The following RAB30 variants were observed in gnomAD, a reference collection of about 807,000 sequenced individuals.
RAB30 encodes RAB30, member RAS oncogene family.
A neutral mutation model predicts 25.1 loss-of-function variants in RAB30; 9 were observed. The ratio of observed to expected loss-of-function variants is 0.36; its 90% CI spans 0.22 to 0.63. The LOEUF (loss-of-function observed/expected upper bound fraction) is 0.63. Among genes scored for constraint, RAB30 ranks in the 20% least tolerant of loss-of-function variants. RAB30 has a pLI of 0.69. For missense variants in RAB30, 140 were observed against 243.5 expected, an observed-to-expected ratio of 0.58 and a Z score of 2.83; for synonymous variants, 77 against 86.4, an observed-to-expected ratio of 0.89 and a Z score of 0.60.
intron 4 of RAB30, among the ~76,000 whole-genome samples, chr11:82,984,745 C>T (rs182887745): frequency 6.6e-6 from 1 of 152,260 alleles, no homozygotes; most frequent in Admixed American, 6.5e-5. Context: ...TACGACTTCC[C>T]ATTGAAAAGA....
intron 1 of RAB30, among the ~76,000 whole-genome samples, chr11:83,021,523 T>C: frequency 6.6e-6 from 1 of 152,232 alleles, no homozygotes; most frequent in East Asian, 1.9e-4. Context: ...CACCTTGAGC[T>C]GCCCGCCCGG....
At chr11:82,997,867 C>CT (rs1209985926) in intron 1 of RAB30, among the ~76,000 whole-genome samples, 1 of 152,184 alleles carries the variant, frequency 6.6e-6, no homozygotes, top group African/African-American at 2.4e-5. Flanking sequence ...TCTTTCCCCT[C>CT]TATCTCCTAT....
chr11:83,040,125 AC>A (rs1858074444), intron 1 of RAB30, among the ~76,000 whole-genome samples: 1 of 152,230 alleles, frequency 6.6e-6, no homozygotes, highest in Admixed American at 6.5e-5. Context: ...AGACTCCAGC[AC>A]GTCAAGAGGG....
In RAB30 at chr11:82,992,358, T is replaced by C. The variant is rs569403686; in HGVS notation, c.177+1681A>G. Reference sequence around the variant, plus strand: ...TGCTCCAGCTCCCCATTCACTGCTGTATTTGGTGTGGATGTCTCTGCAGTA... The same window carrying C: ...TGCTCCAGCTCCCCATTCACTGCTGCATTTGGTGTGGATGTCTCTGCAGTA... On this transcript the variant is annotated intron_variant, in intron 3 of 4. Transcript: ENST00000527633. 10 of 456,250 alleles carry C rather than the reference T, an allele frequency of 2.2e-5. 1 individual carries two copies. The highest frequency in any genetic ancestry group is 1.0e-4 in the African/African-American group (5 of 50,174). 28.3% of individuals were successfully genotyped at this position (456,250 alleles called of 1,614,324 possible). A position where few individuals can be genotyped will look rare whatever the true frequency, so the allele number is the denominator to read the frequency against.
intron 1 of RAB30, among the ~76,000 whole-genome samples, chr11:83,061,206 C>T (rs556019667): frequency 6.6e-6 from 1 of 152,290 alleles, no homozygotes. Flanking sequence ...TAACAAATCT[C>T]TTCCCACCTC....
At chr11:82,997,644 A>C (rs1465119722) in intron 1 of RAB30, among the ~76,000 whole-genome samples, 1 of 152,152 alleles carries the variant, frequency 6.6e-6, no homozygotes, top group African/African-American at 2.4e-5. Context: ...TGAAAAGGAG[A>C]TGACAAACCT....
At chr11:83,029,854 T>A (rs1857812246) in intron 1 of RAB30, among the ~76,000 whole-genome samples, 1 of 152,174 alleles carries the variant, frequency 6.6e-6, no homozygotes, top group Non-Finnish European at 1.5e-5. Context: ...AGAATACTAC[T>A]CAGCCATAAA....
intron 1 of RAB30, among the ~76,000 whole-genome samples, chr11:83,063,196 A>C (rs1460249662): frequency 6.6e-6 from 1 of 152,164 alleles, no homozygotes; most frequent in South Asian, 2.1e-4. Context: ...GCTTCTCTAA[A>C]GAAAAATGCC....
intron 1 of RAB30, among the ~76,000 whole-genome samples, chr11:83,005,030 C>CA (rs1295420258): frequency 3.3e-5 from 5 of 152,174 alleles, no homozygotes; most frequent in Non-Finnish European, 5.9e-5. Flanking sequence ...CCACAAATGT[C>CA]AAACACCCAC....
At chr11:83,031,661 G>C (rs1353445067) in intron 1 of RAB30, among the ~76,000 whole-genome samples, 1 of 151,994 alleles carries the variant, frequency 6.6e-6, no homozygotes, top group Non-Finnish European at 1.5e-5. Flanking sequence ...CAGAGTAGCT[G>C]GGATTATAGG....
chr11:82,994,715 G>T (rs1309652340), intron 2 of RAB30, among the ~76,000 whole-genome samples: 3 of 152,162 alleles, frequency 2.0e-5, no homozygotes, highest in Middle Eastern at 3.2e-3. Flanking sequence ...CTTTGCCCCA[G>T]GGTGATCACT....
intron 1 of RAB30, among the ~76,000 whole-genome samples, chr11:83,020,139 C>T (rs1033155384): frequency 5.2e-4 from 79 of 152,242 alleles, no homozygotes; most frequent in Admixed American, 2.4e-3. Context: ...TCCCACTCCA[C>T]GGAGCAGGTA....
In RAB30 at chr11:82,981,712, T is replaced by C. The variant is rs1590830447; in HGVS notation, c.*453A>G. 6.2e-6 allele frequency: 1 copy of C among 160,236 alleles called. No individual in the cohort carries two copies. The highest frequency in any genetic ancestry group is 1.8e-4 in the East Asian group (1 of 5,550). The allele number at this position is 160,236 out of a possible 1,614,324, so 9.9% of individuals were successfully genotyped here. ...GGTCGTCAATACGCACCACAGAGAC[T>C]GTACTTGGCCTTCCCAGTTTTGGTT... On this transcript the variant is annotated 3_prime_UTR_variant, in exon 5 of 5. Coordinates refer to ENST00000527633, the MANE Select transcript of RAB30 (RefSeq NM_001286060.2).
intron 1 of RAB30, among the ~76,000 whole-genome samples, chr11:83,057,916 GC>G (rs1439301176): frequency 6.6e-6 from 1 of 152,150 alleles, no homozygotes; most frequent in African/African-American, 2.4e-5. Flanking sequence ...GCTACTGTCG[GC>G]TTTGCCCATC....
At chr11:83,062,460 C>T (rs1188169780) in intron 1 of RAB30, among the ~76,000 whole-genome samples, 1 of 152,150 alleles carries the variant, frequency 6.6e-6, no homozygotes, top group Admixed American at 6.5e-5. Flanking sequence ...TTGCATTTAG[C>T]ACACAAACAC....
chr11:83,026,734 A>C (rs1257240118), intron 1 of RAB30, among the ~76,000 whole-genome samples: 1 of 152,236 alleles, frequency 6.6e-6, no homozygotes, highest in African/African-American at 2.4e-5. Flanking sequence ...AATCTGGAGA[A>C]GGTGTCACAC....
At chr11:83,025,440 T>C (rs536009620) in intron 1 of RAB30, among the ~76,000 whole-genome samples, 2 of 152,296 alleles carry the variant, frequency 1.3e-5, no homozygotes, top group African/African-American at 2.4e-5. Flanking sequence ...GGGAACAACA[T>C]TGCATAACAA....
At chr11:82,988,284 G>A (rs767573472) in intron 3 of RAB30, among the ~76,000 whole-genome samples, 1 of 152,118 alleles carries the variant, frequency 6.6e-6, no homozygotes, top group Non-Finnish European at 1.5e-5. Flanking sequence ...CAGAGTCCCC[G>A]TTCTTACTCA....
intron 1 of RAB30, among the ~76,000 whole-genome samples, chr11:83,050,887 C>T (rs1418198710): frequency 1.3e-5 from 2 of 152,008 alleles, no homozygotes; most frequent in Non-Finnish European, 2.9e-5. Context: ...TGCAGTGAAC[C>T]GAGATCGCAT....
Sources: allele counts gnomAD v4.1 joint callset (sites outside exome capture counted in the v4.1 genomes callset), GRCh38; gene constraint gnomAD v4.1.1; transcripts MANE v1.5; gene names NCBI Gene and HGNC (gene_info 2026-07-23, HGNC 2026-07-21).